Variants in API5 observed in about 807,000 individuals in gnomAD.
The protein encoded by API5 is apoptosis inhibitor 5.
Under a neutral mutation model 71.9 loss-of-function variants are expected in API5, and 6 were observed. That is an observed-to-expected ratio of 0.08 (90% confidence interval 0.05 to 0.16). The LOEUF (loss-of-function observed/expected upper bound fraction) is 0.16. API5 is among the 10% of genes least tolerant of loss of function. The pLI is 1.00. For missense variants in API5, 332 were observed against 612.8 expected (o/e 0.54, Z 4.84); for synonymous variants, 189 against 221.3 (o/e 0.85, Z 1.30).
rs1193729573 is a variant in API5 at position 43,344,458 on chromosome 11, C to CA, written c.*1949dup. 1.3e-5 allele frequency: 2 copies of CA among 152,550 alleles called. No individual in the cohort carries two copies. Among genetic ancestry groups the CA allele is most frequent in the African/African-American group, 4.8e-5 (2 of 41,402 alleles). 9.4% of individuals were successfully genotyped at this position (152,550 alleles called of 1,614,324 possible). Reference sequence around the variant, plus strand: ...CCATGGATTTTTTTCTTTTGCAAGACACCTGTTTATCATCTTGTTTAAATG... The same window carrying CA: ...CCATGGATTTTTTTCTTTTGCAAGACAACCTGTTTATCATCTTGTTTAAATG... On this transcript the variant is annotated 3_prime_UTR_variant, in exon 14 of 14. Coordinates refer to ENST00000531273, the MANE Select transcript of API5 (RefSeq NM_001142930.2).
chr11:43,326,434 G>T lies in API5; in HGVS notation c.751-73G>T. ...GATGCTGTAGCGCTCAGCATTTATT[G>T]AATGAAATTCTGCTATAATATTTGA... On this transcript the variant is annotated intron_variant, in intron 6 of 13. Transcript: ENST00000531273. 2.1e-6 allele frequency: 2 copies of T among 969,200 alleles called. 1 individual carries two copies. Among genetic ancestry groups the T allele is most frequent in the South Asian group, 2.9e-5 (2 of 70,026 alleles). The allele number at this position is 969,200 out of a possible 1,614,324, so 60.0% of individuals were successfully genotyped here.
At chr11:43,321,554 A>G in intron 4 of API5, 78 bp downstream of exon 4, 1 of 1,174,210 alleles carries the variant, frequency 8.5e-7, no homozygotes, top group Non-Finnish European at 1.2e-6. Context: ...TTAAGAATAA[A>G]CTCTAGGGTT....
intron 13 of API5, among the ~76,000 whole-genome samples, chr11:43,342,220 A>G (rs1457419355): frequency 1.3e-5 from 2 of 152,228 alleles, no homozygotes; most frequent in Non-Finnish European, 2.9e-5. Flanking sequence ...ACTACCATGA[A>G]TGTAGTCGGT....
chr11:43,329,748 T>C (rs1177266378), intron 9 of API5, among the ~76,000 whole-genome samples: 1 of 152,218 alleles, frequency 6.6e-6, no homozygotes, highest in Non-Finnish European at 1.5e-5. Flanking sequence ...GCTTGAGCCA[T>C]GTGTTACCTG....
At chr11:43,320,795 T>G in intron 2 of API5, 26 bp from the exon 3 acceptor site, 1 of 1,566,966 alleles carries the variant, frequency 6.4e-7, no homozygotes, top group East Asian at 2.2e-5. Flanking sequence ...AGTATTTGGT[T>G]AATTTTTGTT....
In API5 at chr11:43,342,557, A is replaced by G; in HGVS notation, c.*47A>G. On this transcript the variant is annotated 3_prime_UTR_variant, in exon 14 of 14. Transcript: ENST00000531273. ...GCATTGTCATGAGCTTAATATACTT[A>G]AATTCTACTACTCATTGGATTGCCG... 1 of 1,578,428 alleles carries G rather than the reference A, an allele frequency of 6.3e-7. No homozygotes were observed. Among genetic ancestry groups the G allele is most frequent in the Non-Finnish European group, 8.7e-7 (1 of 1,148,690 alleles).
At chr11:43,333,426 AATG>A (rs1231914712) in intron 11 of API5, among the ~76,000 whole-genome samples, 5 of 152,186 alleles carry the variant, frequency 3.3e-5, no homozygotes, top group Admixed American at 3.3e-4. Context: ...TATGGGGAAA[AATG>A]AGGATTGTTT....
At chr11:43,337,007 C>CAAAA (rs559170436) in intron 13 of API5, among the ~76,000 whole-genome samples, 2 of 66,842 alleles carry the variant, frequency 3.0e-5, no homozygotes, top group African/African-American at 7.1e-5. Context: ...GACTCCGTCT[C>CAAAA]AAAAAAAAAA....
chr11:43,318,288 C>T lies in API5; in HGVS notation c.70-352C>T, dbSNP rs1014915216. On this transcript the variant is annotated intron_variant, in intron 1 of 13. Transcript: ENST00000531273. ...CCTCCCAAGGTGCTGGGATTACAGG[C>T]GTGAGCCACCACGCCTGGCCCATTA... is the stretch of plus-strand genomic sequence containing the variant. 7.3e-6 allele frequency: 6 copies of T among 822,858 alleles called. No individual in the cohort carries two copies. The South Asian group carries it at 8.1e-5, about 11-fold the overall frequency. The allele number at this position is 822,858 out of a possible 1,614,324, so 51.0% of individuals were successfully genotyped here.
chr11:43,320,042 CTTTT>C (rs368783012), intron 2 of API5, among the ~76,000 whole-genome samples: 1 of 120,146 alleles, frequency 8.3e-6, no homozygotes, highest in Non-Finnish European at 1.8e-5. Flanking sequence ...CAAATTCTCT[CTTTT>C]TTTTTTTTTT....
At chr11:43,341,921 G>A (rs1855629314) in intron 13 of API5, among the ~76,000 whole-genome samples, 1 of 152,082 alleles carries the variant, frequency 6.6e-6, no homozygotes, top group Admixed American at 6.6e-5. Context: ...CACTGAGGCA[G>A]GACGATCCCT....
At chr11:43,322,285 C>A in intron 5 of API5, 149 bp downstream of exon 5, 1 of 705,094 alleles carries the variant, frequency 1.4e-6, no homozygotes, top group Non-Finnish European at 2.0e-6. Context: ...CTAAGTTTTT[C>A]TTAGATTGAA....
At chr11:43,317,905 G>A (rs1854727001) in intron 1 of API5, among the ~76,000 whole-genome samples, 1 of 152,150 alleles carries the variant, frequency 6.6e-6, no homozygotes, top group African/African-American at 2.4e-5. Context: ...TGGAACTCCT[G>A]AGCTCAAGTG....
chr11:43,328,945 G>A, intron 9 of API5, 52 bp downstream of exon 9: 4 of 1,589,814 alleles, frequency 2.5e-6, no homozygotes, highest in Non-Finnish European at 3.4e-6. Context: ...TAGCTATCCT[G>A]AAGTTCCTTG....
At chr11:43,332,734 C>G (rs561251373) in intron 11 of API5, among the ~76,000 whole-genome samples, 1 of 152,214 alleles carries the variant, frequency 6.6e-6, no homozygotes, top group African/African-American at 2.4e-5. Context: ...TATGGAGGCT[C>G]CATTACATAG....
chr11:43,339,637 A>C (rs1042430005), intron 13 of API5, among the ~76,000 whole-genome samples: 1 of 152,146 alleles, frequency 6.6e-6, no homozygotes, highest in African/African-American at 2.4e-5. Flanking sequence ...GCTGAAACAC[A>C]CTCAGACGCA....
intron 13 of API5, among the ~76,000 whole-genome samples, chr11:43,339,905 TAAAG>T (rs891383698): frequency 2.6e-5 from 4 of 152,080 alleles, no homozygotes; most frequent in African/African-American, 9.7e-5. Context: ...AGACAATAAA[TAAAG>T]AACTAAGAAG....
chr11:43,338,549 G>C (rs1251642099), intron 13 of API5, among the ~76,000 whole-genome samples: 1 of 143,292 alleles, frequency 7.0e-6, no homozygotes, highest in Non-Finnish European at 1.5e-5. Flanking sequence ...CTATTGAAAA[G>C]ATCATGAAAA....
In API5 at chr11:43,329,945, A is replaced by C. The variant is rs1855198481; in HGVS notation, c.1128-20A>C. On this transcript the variant is annotated intron_variant, in intron 9 of 13. Coordinates refer to ENST00000531273, the MANE Select transcript of API5 (RefSeq NM_001142930.2). Reference sequence around the variant, plus strand: ...AATTGAAGTGATGAATTGCTAATTAACAAATACATTTTCATTTAGGCTGCA... The same window carrying C: ...AATTGAAGTGATGAATTGCTAATTACCAAATACATTTTCATTTAGGCTGCA... The C allele has an allele frequency of 6.2e-7, 1 of 1,608,512 alleles. No individual in the cohort carries two copies. Among genetic ancestry groups the C allele is most frequent in the Non-Finnish European group, 8.5e-7 (1 of 1,175,732 alleles).
Sources: allele counts gnomAD v4.1 joint callset (sites outside exome capture counted in the v4.1 genomes callset), GRCh38; gene constraint gnomAD v4.1.1; transcripts MANE v1.5; gene names NCBI Gene and HGNC (gene_info 2026-07-23, HGNC 2026-07-21).